Variants in DACH2 observed in about 807,000 individuals in gnomAD.
DACH2 encodes the protein dachshund homolog 2.
Under a neutral mutation model 35.8 loss-of-function variants are expected in DACH2, and 17 were observed. The observed-to-expected ratio is 0.48, with a 90% CI of 0.33 to 0.71. DACH2 has a LOEUF of 0.71. DACH2 is among the 30% of genes least tolerant of loss of function. The pLI is 0.02. For missense variants in DACH2, 469 were observed against 472.7 expected (o/e 0.99, Z 0.07); for synonymous variants, 195 against 177.3 (o/e 1.10, Z -0.79).
At chrX:86,228,904 A>G (rs1344912110) in intron 1 of DACH2, among the ~76,000 whole-genome samples, 2 of 111,194 alleles carry the variant, frequency 1.8e-5, no homozygotes, top group Non-Finnish European at 3.8e-5. Context: ...GTTTTCTCCT[A>G]TTCTGTGGGT....
intron 3 of DACH2, among the ~76,000 whole-genome samples, chrX:86,549,544 G>T (rs2039019443): frequency 9.2e-6 from 1 of 108,908 alleles, no homozygotes. Context: ...TATTCTTTCA[G>T]GTATAAGTTA....
intron 3 of DACH2, among the ~76,000 whole-genome samples, chrX:86,518,179 C>T (rs2038499515): frequency 8.9e-6 from 1 of 111,853 alleles, no homozygotes; most frequent in Admixed American, 9.5e-5. Flanking sequence ...TTATTTTTGT[C>T]TGCTTTGTTG....
rs774022830 is a variant in DACH2, at chrX:86,704,319, C to G, written c.931+9140C>G. On this transcript the variant is annotated intron_variant, in intron 5 of 11. Coordinates refer to ENST00000373125, the MANE Select transcript of DACH2 (RefSeq NM_053281.3). ...CTTGAGATGGATTAAAGACTTAAAT[C>G]TAAGACCTCGATTAATAAAAATTCT... is the stretch of plus-strand genomic sequence containing the variant. Among the ~76,000 whole-genome samples, 8 of 111,295 alleles carry G rather than the reference C, an allele frequency of 7.2e-5. No homozygotes were observed. The South Asian group carries it at 1.5e-3, about 21-fold the overall frequency.
At chrX:86,337,276 C>G (rs886306427) in intron 1 of DACH2, among the ~76,000 whole-genome samples, 12 of 111,395 alleles carry the variant, frequency 1.1e-4, no homozygotes, top group African/African-American at 3.9e-4. Flanking sequence ...ACATAATTCT[C>G]AGATTCACCA....
chrX:86,270,640 G>T (rs1021989274), intron 1 of DACH2, among the ~76,000 whole-genome samples: 3 of 112,070 alleles, frequency 2.7e-5, no homozygotes, highest in Non-Finnish European at 5.6e-5. Flanking sequence ...CCACAAGCAG[G>T]TTATCAAAAC....
intron 1 of DACH2, among the ~76,000 whole-genome samples, chrX:86,290,903 C>T (rs775889025): frequency 2.8e-5 from 3 of 107,760 alleles, no homozygotes; most frequent in Non-Finnish European, 5.7e-5. Flanking sequence ...CTTGGCGATG[C>T]GGGCTCTTTT....
At chrX:86,288,203 G>A (rs754650399) in intron 1 of DACH2, among the ~76,000 whole-genome samples, 1 of 112,214 alleles carries the variant, frequency 8.9e-6, no homozygotes, top group South Asian at 3.7e-4. Context: ...TTAGGAGAGA[G>A]ATTTTTGTTC....
intron 3 of DACH2, among the ~76,000 whole-genome samples, chrX:86,641,127 A>T (rs1002926318): frequency 9.8e-5 from 11 of 112,097 alleles, no homozygotes; most frequent in Admixed American, 9.5e-4. Flanking sequence ...ACAGAAATAG[A>T]ATTCAGAATA....
intron 1 of DACH2, among the ~76,000 whole-genome samples, chrX:86,203,143 A>G (rs1021504248): frequency 9.0e-6 from 1 of 111,393 alleles, no homozygotes; most frequent in Non-Finnish European, 1.9e-5. Flanking sequence ...GTTCTTGAAG[A>G]CAGAGAAATA....
chrX:86,817,317 G>A (rs1390080938), intron 11 of DACH2, among the ~76,000 whole-genome samples: 4 of 111,336 alleles, frequency 3.6e-5, no homozygotes, highest in South Asian at 3.8e-4. Flanking sequence ...ATTCAAATGG[G>A]ATTCAGTGTT....
chrX:86,430,128 A>G, intron 2 of DACH2, among the ~76,000 whole-genome samples: 1 of 112,124 alleles, frequency 8.9e-6, no homozygotes, highest in Non-Finnish European at 1.9e-5. Flanking sequence ...TGGCATTCTT[A>G]AACTTCTTTT....
At chrX:86,394,346 GAATTAATATGCCTTCC>G (rs1259060660) in intron 2 of DACH2, among the ~76,000 whole-genome samples, 7 of 110,981 alleles carry the variant, frequency 6.3e-5, no homozygotes, top group African/African-American at 2.3e-4. Context: ...AGTTGACTCA[GAATTAATATGCCTTCC>G]AATTTATATT....
chrX:86,553,966 T>A (rs2039083897), intron 3 of DACH2, among the ~76,000 whole-genome samples: 1 of 111,813 alleles, frequency 8.9e-6, no homozygotes, highest in Middle Eastern at 4.6e-3. Context: ...CAGGATAATT[T>A]TTTTTTTGCT....
chrX:86,815,524 T>G (rs1192428778), intron 10 of DACH2, among the ~76,000 whole-genome samples: 1 of 108,906 alleles, frequency 9.2e-6, no homozygotes, highest in Non-Finnish European at 1.9e-5. Flanking sequence ...GAGCCAGTAC[T>G]ACATGAAGAC....
chrX:86,402,721 T>C (rs757516429), intron 2 of DACH2, among the ~76,000 whole-genome samples: 5 of 111,317 alleles, frequency 4.5e-5, no homozygotes, highest in Non-Finnish European at 7.6e-5. Flanking sequence ...GCCCAAATAG[T>C]CAAAGCAATC....
Position 86,254,817 on chromosome X carries a change from G to T in DACH2, c.488+105709G>T, listed in dbSNP as rs1241338235. ...ATATATATATATATATAGAGAGAGA[G>T]AGAGAGAGAGAGAGAGAGAGAAGGT... On this transcript the variant is annotated intron_variant, in intron 1 of 11. Transcript: ENST00000373125. 6.4e-3 allele frequency among the ~76,000 whole-genome samples: 455 copies of T among 71,440 alleles called. 2 individuals carry two copies. The highest frequency in any genetic ancestry group is 9.9e-3 in the Non-Finnish European group (362 of 36,515). The allele number at this position is 71,440 out of a possible 115,157, so 62.0% of individuals were successfully genotyped here.
At chrX:86,442,456 T>A (rs2037184718) in intron 2 of DACH2, among the ~76,000 whole-genome samples, 2 of 106,255 alleles carry the variant, frequency 1.9e-5, no homozygotes, top group African/African-American at 6.9e-5. Flanking sequence ...TAACCCCTTG[T>A]CAGATGTGTA....
intron 7 of DACH2, among the ~76,000 whole-genome samples, chrX:86,756,075 A>G (rs2041825993): frequency 9.0e-6 from 1 of 111,130 alleles, no homozygotes; most frequent in Non-Finnish European, 1.9e-5. Flanking sequence ...TGGATTCTCT[A>G]TTCTGTTCCA....
rs781525110 is a variant in DACH2 at position 86,714,681 on chromosome X, T to C, written c.1065T>C (p.Ile355=). 2.3e-5 allele frequency: 27 copies of C among 1,197,572 alleles called. No homozygotes were observed. Among genetic ancestry groups the C allele is most frequent in the Non-Finnish European group, 3.0e-5 (27 of 887,015 alleles). Residue 355 remains isoleucine, a synonymous_variant, in exon 6 of 12, where the codon ATT becomes ATC. Coordinates refer to ENST00000373125, the MANE Select transcript of DACH2 (RefSeq NM_053281.3). ...TIANMAAAAQ[I]HSPLSRAGTS... Reference sequence around the variant, plus strand: ...CCAACATGGCTGCTGCAGCACAGATTCACAGTCCACTCTCCAGAGCTGGTA... The same window carrying C: ...CCAACATGGCTGCTGCAGCACAGATCCACAGTCCACTCTCCAGAGCTGGTA...
Sources: gnomAD v4.1 joint callset for allele counts (sites outside exome capture counted in the v4.1 genomes callset) on GRCh38, gnomAD v4.1.1 for gene constraint, MANE v1.5 for transcripts, NCBI Gene and HGNC (gene_info 2026-07-23, HGNC 2026-07-21) for gene names.